Variants in BCAP29 observed in about 807,000 individuals in gnomAD.
The protein encoded by BCAP29 is B cell receptor associated protein 29, also known as B-cell receptor-associated protein 29.
BCAP29 carries 34 observed loss-of-function variants against 31.8 expected under a neutral mutation model. That is an observed-to-expected ratio of 1.07 (90% CI 0.81 to 1.42). BCAP29 has a LOEUF of 1.42. Ranked by LOEUF, BCAP29 falls within the 40% of genes most tolerant of loss-of-function variation. BCAP29 has a pLI of 0.00. For synonymous variants in BCAP29, 104 were observed against 91.3 expected, an observed-to-expected ratio of 1.14 and a Z score of -0.79; for missense variants, 314 against 269.2, an observed-to-expected ratio of 1.17 and a Z score of -1.16.
chr7:107,603,625 T>G (rs1375630930), intron 6 of BCAP29: 1 of 126,784 alleles, frequency 7.9e-6, no homozygotes, highest in Non-Finnish European at 1.7e-5. Flanking sequence ...TTTTTTTTTT[T>G]GAGACAGAGT....
intron 6 of BCAP29, among the ~76,000 whole-genome samples, chr7:107,610,394 T>G (rs182257808): frequency 6.6e-6 from 1 of 152,302 alleles, no homozygotes; most frequent in Admixed American, 6.5e-5. Flanking sequence ...ATATGCTGTT[T>G]CCAAAATAAT....
downstream of BCAP29, chr7:107,621,777 TC>T: frequency 2.1e-6 from 1 of 476,418 alleles, no homozygotes; most frequent in Non-Finnish European, 4.4e-6. Flanking sequence ...CAGAGCCTCT[TC>T]CAGCAGGAGC....
At chr7:107,599,578 C>T (rs1810776781) in intron 5 of BCAP29, among the ~76,000 whole-genome samples, 1 of 149,492 alleles carries the variant, frequency 6.7e-6, no homozygotes, top group Non-Finnish European at 1.5e-5. Context: ...TCTATTGACC[C>T]ACAACAGTAT....
rs1283866177 is a variant in BCAP29, at chr7:107,618,419, A to G, written c.*56A>G. On this transcript the variant is annotated 3_prime_UTR_variant, in exon 8 of 8. Transcript: ENST00000005259. The stretch of plus-strand genomic sequence containing the variant: ...GTCAAAATGATAATTTTGTTATGTT[A>G]GCCTCTAGAAAATTTAAGTTCAGAA... The G allele has an allele frequency of 9.3e-6, 15 of 1,612,736 alleles. No individual in the cohort carries two copies. The highest frequency in any genetic ancestry group is 1.2e-5 in the Non-Finnish European group (14 of 1,179,056).
chr7:107,595,641 G>A (rs2129238258), intron 4 of BCAP29, among the ~76,000 whole-genome samples: 1 of 152,184 alleles, frequency 6.6e-6, no homozygotes, highest in Non-Finnish European at 1.5e-5. Flanking sequence ...AAGTACCACT[G>A]AACCTGTATT....
At chr7:107,613,195 A>G (rs187896444) in intron 6 of BCAP29, 137 bp from the exon 7 acceptor site, 783 of 611,638 alleles carry the variant, frequency 1.3e-3, no homozygotes, top group Non-Finnish European at 1.7e-3. Context: ...GAGAGAGAAT[A>G]TGATAACAAA....
intron 6 of BCAP29, among the ~76,000 whole-genome samples, chr7:107,603,063 G>A (rs907725460): frequency 2.7e-5 from 4 of 148,296 alleles, no homozygotes; most frequent in Admixed American, 6.9e-5. Context: ...TCTGCCTCCC[G>A]GGTTCACGCC....
intron 6 of BCAP29, among the ~76,000 whole-genome samples, chr7:107,612,563 A>G (rs1813429082): frequency 6.6e-6 from 1 of 151,638 alleles, no homozygotes; most frequent in Non-Finnish European, 1.5e-5. Flanking sequence ...ATGTTTGCAT[A>G]GACTAAATTG....
chr7:107,615,457 A>G lies in BCAP29; in HGVS notation c.690+2025A>G, dbSNP rs973470772. ...TAAAAATACAAAAAATTAGCCGGGC[A>G]TGGTGGCAAGTGCCTGTAATCCCAG... On this transcript the variant is annotated intron_variant, in intron 7 of 7. Transcript: ENST00000005259. The G allele has an allele frequency of 3.8e-5, 14 of 372,664 alleles. No individual in the cohort carries two copies. The East Asian group carries it at 8.8e-4, about 23-fold the overall frequency. 23.1% of individuals were successfully genotyped at this position (372,664 alleles called of 1,614,324 possible). A position where few individuals can be genotyped will look rare whatever the true frequency, so the allele number is the denominator to read the frequency against.
chr7:107,613,642 G>T (rs773819636), intron 7 of BCAP29: 1 of 1,606,366 alleles, frequency 6.2e-7, no homozygotes, highest in South Asian at 1.1e-5. Flanking sequence ...TTGCTGACTT[G>T]CATACTTACA....
chr7:107,595,047 C>T (rs1178543533), intron 4 of BCAP29, among the ~76,000 whole-genome samples: 2 of 152,196 alleles, frequency 1.3e-5, no homozygotes, highest in East Asian at 3.9e-4. Context: ...TGTGGTGTAC[C>T]TAACTCTTTC....
At chr7:107,581,994 GCT>G (rs1806767599) in intron 2 of BCAP29, among the ~76,000 whole-genome samples, 1 of 152,118 alleles carries the variant, frequency 6.6e-6, no homozygotes, top group Non-Finnish European at 1.5e-5. Context: ...AAAAAATCTG[GCT>G]CTTAGTCCAG....
At chr7:107,598,894 T>TACACAC (rs59376183) in intron 5 of BCAP29, among the ~76,000 whole-genome samples, 77 of 139,112 alleles carry the variant, frequency 5.5e-4, no homozygotes, top group Admixed American at 1.4e-3. Context: ...CAATACAGTA[T>TACACAC]ACACACACAC....
intron 3 of BCAP29, among the ~76,000 whole-genome samples, chr7:107,588,417 CAAT>C (rs1176250678): frequency 6.6e-6 from 1 of 152,092 alleles, no homozygotes; most frequent in Non-Finnish European, 1.5e-5. Context: ...AATTTTGCCT[CAAT>C]AAATTAAAAC....
chr7:107,593,474 C>A (rs1809251339), intron 3 of BCAP29, among the ~76,000 whole-genome samples: 1 of 152,056 alleles, frequency 6.6e-6, no homozygotes, highest in Non-Finnish European at 1.5e-5. Context: ...CAAACTTATG[C>A]CAGTGGAAAT....
rs1814805546 is a variant in BCAP29, at chr7:107,620,164, T to G, written c.*1801T>G. On this transcript the variant is annotated 3_prime_UTR_variant, in exon 8 of 8. Transcript: ENST00000005259. The stretch of plus-strand genomic sequence containing the variant: ...CTCTCAAGTTTACAAGTCTGAAACT[T>G]TAGACATCAAAAGTTTGAGCAGTTT... 6.6e-6 allele frequency: 1 copy of G among 152,206 alleles called. No homozygotes were observed. The highest frequency in any genetic ancestry group is 1.5e-5 in the Non-Finnish European group (1 of 68,038). The allele number at this position is 152,206 out of a possible 1,614,324, so 9.4% of individuals were successfully genotyped here.
intron 6 of BCAP29, among the ~76,000 whole-genome samples, chr7:107,604,218 A>G (rs1002058706): frequency 1.3e-5 from 2 of 152,182 alleles, no homozygotes; most frequent in African/African-American, 4.8e-5. Flanking sequence ...CTTACGTTGA[A>G]CAAAACTAAA....
At chr7:107,614,199 A>C (rs1358128054) in intron 7 of BCAP29, among the ~76,000 whole-genome samples, 2 of 152,198 alleles carry the variant, frequency 1.3e-5, no homozygotes, top group Non-Finnish European at 2.9e-5. Flanking sequence ...GCTTTTTACA[A>C]ATAATAGCTT....
intron 6 of BCAP29, among the ~76,000 whole-genome samples, chr7:107,606,483 T>C (rs748374412): frequency 1.3e-5 from 2 of 152,168 alleles, no homozygotes; most frequent in African/African-American, 2.4e-5. Context: ...ATTCTTCACT[T>C]TTGAAGAATG....
Sources: allele counts gnomAD v4.1 joint callset (sites outside exome capture counted in the v4.1 genomes callset), GRCh38; gene constraint gnomAD v4.1.1; transcripts MANE v1.5; gene names NCBI Gene and HGNC (gene_info 2026-07-23, HGNC 2026-07-21).